RXFP1: variants seen among roughly 807,000 people sequenced by gnomAD.
RXFP1 encodes the protein relaxin receptor 1.
In RXFP1, 73 loss-of-function variants were observed where a neutral mutation model predicts 89.8. The ratio of observed to expected loss-of-function variants is 0.81; its 90% CI spans 0.67 to 0.99. The LOEUF (loss-of-function observed/expected upper bound fraction) is 0.99. Among genes scored for constraint, RXFP1 ranks in the 50% least tolerant of loss-of-function variants. RXFP1 has a pLI of 0.00. For synonymous variants in RXFP1, 277 were observed against 305.5 expected, an observed-to-expected ratio of 0.91 and a Z score of 0.97; for missense variants, 793 against 895.5, an observed-to-expected ratio of 0.89 and a Z score of 1.46.
At chr4:158,540,958 A>G (rs950202608) in intron 1 of RXFP1, among the ~76,000 whole-genome samples, 9 of 152,180 alleles carry the variant, frequency 5.9e-5, no homozygotes, top group Admixed American at 1.3e-4. Flanking sequence ...TTAAAATTAA[A>G]CTTACCGGCA....
chr4:158,546,233 A>G (rs1281008210), intron 1 of RXFP1, among the ~76,000 whole-genome samples: 7 of 152,164 alleles, frequency 4.6e-5, no homozygotes, highest in Admixed American at 1.3e-4. Flanking sequence ...GAGTTCATTC[A>G]TGATTTGGCT....
At chr4:158,613,849 T>C (rs1014818288) in intron 8 of RXFP1, among the ~76,000 whole-genome samples, 1 of 152,220 alleles carries the variant, frequency 6.6e-6, no homozygotes, top group Non-Finnish European at 1.5e-5. Flanking sequence ...GCCCAAATCG[T>C]CAGAGGAATC....
At chr4:158,638,486 C>T (rs1478234489) in intron 13 of RXFP1, among the ~76,000 whole-genome samples, 5 of 151,976 alleles carry the variant, frequency 3.3e-5, no homozygotes, top group Admixed American at 6.6e-5. Context: ...GACAAAAATT[C>T]TGTTAGAGCC....
chr4:158,621,648 T>C (rs1294694587), intron 9 of RXFP1, among the ~76,000 whole-genome samples: 2 of 152,020 alleles, frequency 1.3e-5, no homozygotes, highest in African/African-American at 4.8e-5. Flanking sequence ...TATGGAATCG[T>C]GTAATAATAT....
intron 1 of RXFP1, among the ~76,000 whole-genome samples, chr4:158,533,448 G>A (rs575876967): frequency 2.0e-5 from 3 of 152,234 alleles, no homozygotes; most frequent in South Asian, 4.1e-4. Flanking sequence ...TCATTATAAC[G>A]AAATACCTTA....
chr4:158,629,419 G>A (rs1198839748), intron 11 of RXFP1, among the ~76,000 whole-genome samples: 1 of 152,150 alleles, frequency 6.6e-6, no homozygotes, highest in Non-Finnish European at 1.5e-5. Context: ...AATAATGGAA[G>A]AGATAAATTA....
intron 2 of RXFP1, among the ~76,000 whole-genome samples, chr4:158,591,678 G>A (rs1759508446): frequency 6.6e-6 from 1 of 152,112 alleles, no homozygotes; most frequent in Non-Finnish European, 1.5e-5. Flanking sequence ...GAGCCCAAGA[G>A]GGAGAGGTTG....
At chr4:158,522,364 C>G (rs1323808386) in intron 1 of RXFP1, among the ~76,000 whole-genome samples, 1 of 152,084 alleles carries the variant, frequency 6.6e-6, no homozygotes, top group Admixed American at 6.6e-5. Flanking sequence ...TTGAAAACTC[C>G]TAGGAAAGTT....
At chr4:158,527,564 A>AAAATATATATATATATAT (rs5741905) in intron 1 of RXFP1, among the ~76,000 whole-genome samples, 1,186 of 98,246 alleles carry the variant, frequency 0.012, 13 homozygotes, top group South Asian at 0.019. Flanking sequence ...AAAAAAAAAA[A>AAAATATATATATATATAT]ATATATATAT....
intron 9 of RXFP1, among the ~76,000 whole-genome samples, chr4:158,623,283 G>A (rs1250594787): frequency 8.0e-5 from 12 of 150,854 alleles, no homozygotes; most frequent in Admixed American, 7.3e-4. Flanking sequence ...TGGATCACCT[G>A]AGGTCAGGAG....
intron 2 of RXFP1, among the ~76,000 whole-genome samples, chr4:158,589,220 T>C (rs1345791205): frequency 1.3e-5 from 2 of 152,086 alleles, no homozygotes; most frequent in Admixed American, 1.3e-4. Flanking sequence ...GATTCAATTA[T>C]CTCCACCTGG....
chr4:158,629,633 G>C (rs1426875900), intron 11 of RXFP1, among the ~76,000 whole-genome samples: 1 of 151,406 alleles, frequency 6.6e-6, no homozygotes, highest in African/African-American at 2.4e-5. Flanking sequence ...TTTTTTGTTT[G>C]CTTTTTTTCT....
Position 158,603,839 on chromosome 4 carries a change from G to A in RXFP1, c.393-1229G>A, listed in dbSNP as rs571156735. The stretch of plus-strand genomic sequence containing the variant: ...CAGGAGGCAGAGGTTGCAGTGAGCC[G>A]AGATCATGTCACTGCACTCCTGCCT... On this transcript the variant is annotated intron_variant, in intron 4 of 17. Coordinates refer to ENST00000307765, the MANE Select transcript of RXFP1 (RefSeq NM_021634.4). Among the ~76,000 whole-genome samples the A allele has an allele frequency of 2.7e-4, 41 of 150,588 alleles. No homozygotes were observed. In the South Asian group the frequency reaches 5.2e-3, roughly 19 times the overall value.
intron 9 of RXFP1, 105 bp from the exon 10 acceptor site, chr4:158,626,715 C>A: frequency 3.2e-6 from 2 of 627,496 alleles, no homozygotes; most frequent in Non-Finnish European, 5.4e-6. Flanking sequence ...ATGAAATAAA[C>A]AGTATGTAAA....
intron 4 of RXFP1, among the ~76,000 whole-genome samples, chr4:158,600,054 A>G (rs757546198): frequency 1.3e-5 from 2 of 152,234 alleles, no homozygotes; most frequent in South Asian, 2.1e-4. Flanking sequence ...TTTGAATTCA[A>G]TGAACTTCAG....
At chr4:158,623,066 A>G (rs1355289718) in intron 9 of RXFP1, among the ~76,000 whole-genome samples, 1 of 152,244 alleles carries the variant, frequency 6.6e-6, no homozygotes, top group African/African-American at 2.4e-5. Flanking sequence ...AATGTGCATT[A>G]AACAACACAA....
intron 1 of RXFP1, among the ~76,000 whole-genome samples, chr4:158,536,793 A>G (rs999491948): frequency 9.2e-5 from 14 of 152,160 alleles, no homozygotes; most frequent in Admixed American, 2.0e-4. Flanking sequence ...CACTGGATAA[A>G]TTATTTTCTG....
At chr4:158,578,353 A>G (rs1756670074) in intron 2 of RXFP1, among the ~76,000 whole-genome samples, 1 of 152,228 alleles carries the variant, frequency 6.6e-6, no homozygotes, top group African/African-American at 2.4e-5. Context: ...TGATGTGACA[A>G]TGACAAACCC....
chr4:158,647,139 C>G lies in RXFP1; in HGVS notation c.1694C>G (p.Pro565Arg). The G allele has an allele frequency of 6.2e-7, 1 of 1,613,254 alleles. No individual in the cohort carries two copies. The highest frequency in any genetic ancestry group is 8.5e-7 in the Non-Finnish European group (1 of 1,179,698). ...TATGGCACCAATGGAGTATGCTTCCCTCTTCATTCAGAAGATACAGAAAGT... is the reference window on the plus strand; with the variant it reads ...TATGGCACCAATGGAGTATGCTTCCGTCTTCATTCAGAAGATACAGAAAGT... The part of the protein sequence containing the change: ...NYYGTNGVCF[P>R]LHSEDTESIG... The change falls in exon 16 of 18, where the codon CCT becomes CGT. Residue 565 changes from proline to arginine, a missense_variant. Physicochemically the swap from Pro to Arg is moderately radical, Grantham distance 103. Coordinates refer to ENST00000307765, the MANE Select transcript of RXFP1 (RefSeq NM_021634.4).
Sources: allele counts gnomAD v4.1 joint callset (sites outside exome capture counted in the v4.1 genomes callset), GRCh38; gene constraint gnomAD v4.1.1; transcripts MANE v1.5; gene names NCBI Gene and HGNC (gene_info 2026-07-23, HGNC 2026-07-21).